HMCN1: variants seen among roughly 807,000 people sequenced by gnomAD.
HMCN1 encodes the protein hemicentin 1, also known as hemicentin-1.
Under a neutral mutation model 625.9 loss-of-function variants are expected in HMCN1, and 321 were observed. That is an observed-to-expected ratio of 0.51 (90% CI 0.47 to 0.56). The LOEUF (loss-of-function observed/expected upper bound fraction) is 0.56, where lower values mean the gene tolerates loss of function less well. Among genes scored for constraint, HMCN1 ranks in the 20% least tolerant of loss-of-function variants. The pLI is 0.00. For synonymous variants in HMCN1, 2,425 were observed against 2,417.6 expected (o/e 1.00, Z -0.09); for missense variants, 6,588 against 6,887.3 (o/e 0.96, Z 1.54).
intron 11 of HMCN1, among the ~76,000 whole-genome samples, chr1:185,953,726 C>T (rs560978998): frequency 6.6e-6 from 1 of 151,842 alleles, no homozygotes; most frequent in East Asian, 1.9e-4. Flanking sequence ...ATTGAACTCC[C>T]AAGGGAGGTC....
chr1:186,171,947 T>C (rs1652257851), intron 101 of HMCN1, 59 bp from the exon 102 acceptor site: 1 of 1,535,706 alleles, frequency 6.5e-7, no homozygotes, highest in South Asian at 1.1e-5. Flanking sequence ...GTATGATTTC[T>C]CTGGAAAAGT....
At chr1:185,863,017 G>T (rs1029860315) in intron 2 of HMCN1, among the ~76,000 whole-genome samples, 70 of 152,202 alleles carry the variant, frequency 4.6e-4, no homozygotes, top group Middle Eastern at 3.4e-3. Flanking sequence ...TCTAATACTT[G>T]GTTCTTATGA....
chr1:185,968,315 T>C (rs1188662722), intron 14 of HMCN1, among the ~76,000 whole-genome samples: 1 of 152,076 alleles, frequency 6.6e-6, no homozygotes. Flanking sequence ...CATTAGAGAT[T>C]ATAGAGATTT....
intron 48 of HMCN1, among the ~76,000 whole-genome samples, chr1:186,063,066 G>GTATATATATATATATATATA (rs1491400415): frequency 2.7e-4 from 8 of 29,938 alleles, no homozygotes; most frequent in East Asian, 1.1e-3. Flanking sequence ...GTGTGTGTGT[G>GTATATATATATATATATATA]CATATATATA....
rs115207736 is a variant in HMCN1 at position 185,739,326 on chromosome 1, T to G, written c.268+4279T>G. 6.6e-3 allele frequency among the ~76,000 whole-genome samples: 1,012 copies of G among 152,322 alleles called. 8 individuals carry two copies. Among genetic ancestry groups the G allele is most frequent in the Middle Eastern group, 0.027 (8 of 294 alleles). On this transcript the variant is annotated intron_variant, in intron 1 of 106. Coordinates refer to ENST00000271588, the MANE Select transcript of HMCN1 (RefSeq NM_031935.3). ...CTGGTGCAACATGCTGTTATTGAAA[T>G]TTTTGATTCTTATGTATTAATTTTT...
intron 95 of HMCN1, 31 bp downstream of exon 95, chr1:186,151,774 A>G (rs749393773): frequency 7.5e-6 from 12 of 1,607,826 alleles, no homozygotes; most frequent in Non-Finnish European, 1.0e-5. Context: ...ATATTCTATT[A>G]CTATAAAAAG....
At chr1:185,774,843 T>C (rs1656488431) in intron 1 of HMCN1, among the ~76,000 whole-genome samples, 2 of 152,084 alleles carry the variant, frequency 1.3e-5, no homozygotes, top group Non-Finnish European at 2.9e-5. Context: ...GAAGAAAATA[T>C]TGGGAATTAA....
chr1:185,953,147 A>G (rs1323616099), intron 11 of HMCN1, among the ~76,000 whole-genome samples: 2 of 150,624 alleles, frequency 1.3e-5, no homozygotes, highest in Non-Finnish European at 3.0e-5. Context: ...GTTGAGGGGT[A>G]CTGAGGGGTA....
intron 1 of HMCN1, among the ~76,000 whole-genome samples, chr1:185,835,798 T>A (rs1259968936): frequency 6.6e-6 from 1 of 152,070 alleles, no homozygotes; most frequent in Admixed American, 6.6e-5. Flanking sequence ...TAGGCATACA[T>A]AATTGCAACA....
rs139042801 is a variant in HMCN1 at position 185,760,603 on chromosome 1, G to C, written c.268+25556G>C. ...CTGTGCACAGAATGCAACAATTAAT[G>C]AGACAGACAACGTCCTTTCCCTTAT... On this transcript the variant is annotated intron_variant, in intron 1 of 106. Coordinates refer to ENST00000271588, the MANE Select transcript of HMCN1 (RefSeq NM_031935.3). Among the ~76,000 whole-genome samples, 225 of 152,198 alleles carry C rather than the reference G, an allele frequency of 1.5e-3. 2 individuals carry two copies. The highest frequency in any genetic ancestry group is 5.3e-3 in the African/African-American group (219 of 41,528).
chr1:185,747,737 G>A (rs1321523087), intron 1 of HMCN1, among the ~76,000 whole-genome samples: 1 of 152,214 alleles, frequency 6.6e-6, no homozygotes, highest in Non-Finnish European at 1.5e-5. Flanking sequence ...TGGGAATTAT[G>A]TATGGGTTCT....
At chr1:186,174,407 T>C in intron 102 of HMCN1, 107 bp from the exon 103 acceptor site, 3 of 1,317,692 alleles carry the variant, frequency 2.3e-6, no homozygotes, top group Non-Finnish European at 3.3e-6. Context: ...CTCAACCACT[T>C]GGTGAGAAAT....
At chr1:185,958,528 C>G (rs1558095021) in intron 11 of HMCN1, among the ~76,000 whole-genome samples, 2 of 152,134 alleles carry the variant, frequency 1.3e-5, no homozygotes, top group African/African-American at 2.4e-5. Context: ...ATTTTAAATG[C>G]TATAACTTTA....
In HMCN1 at chr1:186,055,472, T is replaced by C; in HGVS notation, c.6942T>C (p.Cys2314=). The change falls in exon 45 of 107, where the codon TGT becomes TGC. Residue 2314 remains cysteine, a synonymous_variant. Coordinates refer to ENST00000271588, the MANE Select transcript of HMCN1 (RefSeq NM_031935.3). The stretch of plus-strand genomic sequence containing the variant: ...GAGGGAAGAGTATCTCCTTGGAGTG[T>C]GAGGTGCAGGGTATTCCACCACCAA... The part of the protein sequence containing the change: ...VTRGKSISLE[C]EVQGIPPPTV... The C allele has an allele frequency of 1.2e-6, 2 of 1,612,796 alleles. No homozygotes were observed. Among genetic ancestry groups the C allele is most frequent in the Non-Finnish European group, 1.7e-6 (2 of 1,179,214 alleles).
At chr1:186,052,296 C>G (rs1289427559) in intron 42 of HMCN1, among the ~76,000 whole-genome samples, 1 of 151,978 alleles carries the variant, frequency 6.6e-6, no homozygotes, top group Non-Finnish European at 1.5e-5. Context: ...GAAGAACAAG[C>G]CGTCTACCAG....
intron 6 of HMCN1, among the ~76,000 whole-genome samples, chr1:185,912,056 C>T (rs992023888): frequency 6.6e-6 from 1 of 152,126 alleles, no homozygotes; most frequent in Non-Finnish European, 1.5e-5. Flanking sequence ...TTATTATCTA[C>T]TTCATGCTTA....
intron 52 of HMCN1, among the ~76,000 whole-genome samples, chr1:186,071,085 AG>A (rs1658453153): frequency 6.6e-6 from 1 of 152,178 alleles, no homozygotes; most frequent in Non-Finnish European, 1.5e-5. Flanking sequence ...TGGAGAAGTT[AG>A]GGAAACAGTT....
intron 18 of HMCN1, among the ~76,000 whole-genome samples, chr1:185,983,417 C>T (rs912359551): frequency 2.0e-5 from 3 of 151,932 alleles, no homozygotes; most frequent in East Asian, 1.9e-4. Flanking sequence ...CAGAGCAAGA[C>T]TCCGTCTCAA....
chr1:186,160,620 G>T (rs910301906), intron 97 of HMCN1, among the ~76,000 whole-genome samples: 1 of 151,976 alleles, frequency 6.6e-6, no homozygotes, highest in African/African-American at 2.4e-5. Flanking sequence ...GTTATGTTGT[G>T]TCTTTGTTTT....
Sources: gnomAD v4.1 joint callset for allele counts (sites outside exome capture counted in the v4.1 genomes callset) on GRCh38, gnomAD v4.1.1 for gene constraint, MANE v1.5 for transcripts, NCBI Gene and HGNC (gene_info 2026-07-23, HGNC 2026-07-21) for gene names.